The following C3orf33 variants were observed in gnomAD, a reference collection of about 807,000 sequenced individuals.
The protein encoded by C3orf33 is AP-1 activity suppressor.
In C3orf33, 23 loss-of-function variants were observed where a neutral mutation model predicts 28.7. The ratio of observed to expected loss-of-function variants is 0.80; its 90% CI spans 0.58 to 1.13. C3orf33 has a LOEUF of 1.13. Ranked by LOEUF, C3orf33 falls within the 50% of genes most tolerant of loss-of-function variation. C3orf33 has a pLI of 0.00. For synonymous variants in C3orf33, 119 were observed against 120.5 expected (o/e 0.99, Z 0.08); for missense variants, 327 against 353.4 (o/e 0.93, Z 0.60).
intron 2 of C3orf33, among the ~76,000 whole-genome samples, chr3:155,796,199 T>C (rs1402277336): frequency 6.6e-6 from 1 of 151,660 alleles, no homozygotes; most frequent in Non-Finnish European, 1.5e-5. Flanking sequence ...ATACAAAAGA[T>C]TAGGGATATG....
intron 2 of C3orf33, among the ~76,000 whole-genome samples, chr3:155,800,877 G>A (rs1016433156): frequency 6.6e-5 from 10 of 151,926 alleles, no homozygotes; most frequent in African/African-American, 2.4e-4. Flanking sequence ...ACCACAATAA[G>A]ATACTACCTC....
At chr3:155,786,613 G>A (rs576790310) in intron 2 of C3orf33, among the ~76,000 whole-genome samples, 4 of 152,148 alleles carry the variant, frequency 2.6e-5, no homozygotes, top group Non-Finnish European at 4.4e-5. Context: ...GATCATCTGA[G>A]GTCAGGAGTT....
At chr3:155,794,497 A>G (rs984326194) in intron 2 of C3orf33, among the ~76,000 whole-genome samples, 1 of 150,884 alleles carries the variant, frequency 6.6e-6, no homozygotes, top group Non-Finnish European at 1.5e-5. Flanking sequence ...AAACTAACAG[A>G]AAAAAAAAAT....
intron 3 of C3orf33, among the ~76,000 whole-genome samples, chr3:155,770,888 G>A (rs1750559845): frequency 6.6e-6 from 1 of 152,016 alleles, no homozygotes; most frequent in East Asian, 1.9e-4. Context: ...TTGCCAGGCT[G>A]GTCTTGAACT....
chr3:155,768,517 T>C (rs1750481705), intron 3 of C3orf33, among the ~76,000 whole-genome samples: 1 of 152,164 alleles, frequency 6.6e-6, no homozygotes, highest in Admixed American at 6.5e-5. Context: ...TTGATAGAAT[T>C]TTAACCAATG....
chr3:155,765,553 G>A (rs1251062146), intron 4 of C3orf33, among the ~76,000 whole-genome samples: 1 of 151,674 alleles, frequency 6.6e-6, no homozygotes, highest in East Asian at 1.9e-4. Flanking sequence ...GTATTGTTTT[G>A]TTTTGTTTTT....
intron 3 of C3orf33, among the ~76,000 whole-genome samples, chr3:155,774,667 T>TA (rs1491116168): frequency 5.0e-4 from 3 of 6,002 alleles, no homozygotes; most frequent in Non-Finnish European, 8.5e-4. Context: ...ATTGTTTTGC[T>TA]TTTTTTTTTT....
At chr3:155,803,324 G>T (rs978087598) in intron 1 of C3orf33, among the ~76,000 whole-genome samples, 1 of 152,084 alleles carries the variant, frequency 6.6e-6, no homozygotes, top group African/African-American at 2.4e-5. Context: ...CCAACACTTT[G>T]GGAGGCCGAG....
chr3:155,769,323 A>G (rs1041557085), intron 3 of C3orf33, among the ~76,000 whole-genome samples: 1 of 151,528 alleles, frequency 6.6e-6, no homozygotes, highest in East Asian at 1.9e-4. Flanking sequence ...AAAAAAAAAA[A>G]AAAAAAATAC....
chr3:155,801,188 G>A (rs1259015952), intron 2 of C3orf33, among the ~76,000 whole-genome samples: 1 of 151,934 alleles, frequency 6.6e-6, no homozygotes, highest in Non-Finnish European at 1.5e-5. Flanking sequence ...GCAGGCGCCT[G>A]TAATCTCAGC....
At chr3:155,770,964 G>C (rs1473796816) in intron 3 of C3orf33, among the ~76,000 whole-genome samples, 3 of 143,298 alleles carry the variant, frequency 2.1e-5, no homozygotes, top group African/African-American at 8.0e-5. Flanking sequence ...ATGAACCACT[G>C]TGTGTGTGTG....
chr3:155,764,630 A>T (rs1485148227), intron 4 of C3orf33, among the ~76,000 whole-genome samples: 5 of 151,814 alleles, frequency 3.3e-5, no homozygotes, highest in African/African-American at 1.2e-4. Context: ...AGGCGGGCAG[A>T]TCACAAGGTC....
At chr3:155,768,114 A>G (rs1413892908) in intron 3 of C3orf33, among the ~76,000 whole-genome samples, 1 of 152,190 alleles carries the variant, frequency 6.6e-6, no homozygotes, top group Non-Finnish European at 1.5e-5. Context: ...CCCTAGCCTC[A>G]AGTGATCCAC....
chr3:155,778,492 G>A (rs1484222481), intron 2 of C3orf33, among the ~76,000 whole-genome samples: 2 of 152,178 alleles, frequency 1.3e-5, no homozygotes, highest in Non-Finnish European at 1.5e-5. Context: ...GTAGCAAAAT[G>A]TTAACAACTG....
intron 2 of C3orf33, among the ~76,000 whole-genome samples, chr3:155,778,133 C>A (rs1750804896): frequency 3.0e-5 from 3 of 100,108 alleles, no homozygotes; most frequent in Admixed American, 1.4e-4. Flanking sequence ...CTGAGTGAAA[C>A]TCCATTTCAA....
intron 3 of C3orf33, among the ~76,000 whole-genome samples, chr3:155,768,625 T>C (rs1750485168): frequency 6.6e-6 from 1 of 152,230 alleles, no homozygotes; most frequent in Non-Finnish European, 1.5e-5. Context: ...AAAAAAATTA[T>C]ACACTTAACA....
chr3:155,787,974 G>T (rs989463686), intron 2 of C3orf33, among the ~76,000 whole-genome samples: 2 of 151,950 alleles, frequency 1.3e-5, no homozygotes, highest in Non-Finnish European at 2.9e-5. Context: ...GGCGGATCAT[G>T]AGGTCAGCAG....
intron 2 of C3orf33, among the ~76,000 whole-genome samples, chr3:155,798,938 C>T (rs1027744729): frequency 4.6e-5 from 7 of 152,036 alleles, no homozygotes; most frequent in Non-Finnish European, 8.8e-5. Context: ...AAAAATCTAA[C>T]GATCTCATTT....
intron 3 of C3orf33, among the ~76,000 whole-genome samples, chr3:155,773,049 A>G (rs1008395816): frequency 6.6e-6 from 1 of 152,164 alleles, no homozygotes; most frequent in African/African-American, 2.4e-5. Context: ...AGTGAGCTCC[A>G]TTTTTAGGAC....
Sources: gnomAD v4.1 joint callset for allele counts (sites outside exome capture counted in the v4.1 genomes callset) on GRCh38, gnomAD v4.1.1 for gene constraint, MANE v1.5 for transcripts, NCBI Gene and HGNC (gene_info 2026-07-23, HGNC 2026-07-21) for gene names.